Variants in NR3C1 observed in about 807,000 individuals in gnomAD.
NR3C1 encodes the protein glucocorticoid receptor.
Under a neutral mutation model 74.0 loss-of-function variants are expected in NR3C1, and 14 were observed. The observed-to-expected ratio is 0.19, with a 90% CI of 0.12 to 0.30. The LOEUF (loss-of-function observed/expected upper bound fraction) is 0.30. Ranked by LOEUF, NR3C1 falls within the 10% of genes least tolerant of loss-of-function variation. The pLI is 1.00. For missense variants in NR3C1, 695 were observed against 909.8 expected (o/e 0.76, Z 3.04); for synonymous variants, 308 against 332.5 (o/e 0.93, Z 0.80).
chr5:143,424,122 T>C (rs1191428121), intron 1 of NR3C1, among the ~76,000 whole-genome samples: 1 of 151,194 alleles, frequency 6.6e-6, no homozygotes, highest in Non-Finnish European at 1.5e-5. Flanking sequence ...AGATGACGAG[T>C]TAATGGGTGC....
chr5:143,298,048 C>T (rs927056993), intron 6 of NR3C1, among the ~76,000 whole-genome samples: 6 of 152,098 alleles, frequency 3.9e-5, no homozygotes, highest in African/African-American at 9.7e-5. Context: ...AGGGAGAAAA[C>T]GAGTGAGGAA....
intron 2 of NR3C1, among the ~76,000 whole-genome samples, chr5:143,324,982 C>T (rs1371934603): frequency 6.6e-6 from 1 of 152,230 alleles, no homozygotes; most frequent in Non-Finnish European, 1.5e-5. Context: ...ATATCACTAT[C>T]AGCATGTTGG....
intron 4 of NR3C1, among the ~76,000 whole-genome samples, chr5:143,306,098 G>GT (rs1025757452): frequency 5.9e-5 from 9 of 151,806 alleles, no homozygotes; most frequent in Admixed American, 3.9e-4. Context: ...AAACAAGCAA[G>GT]TTTTTTAAAA....
chr5:143,401,721 G>C (rs1447978932), intron 1 of NR3C1, among the ~76,000 whole-genome samples: 1 of 152,194 alleles, frequency 6.6e-6, no homozygotes, highest in Non-Finnish European at 1.5e-5. Context: ...AATATGAAAT[G>C]CTATTACATC....
rs79864108 is a variant in NR3C1 at position 143,415,434 on chromosome 5, A to G, written c.-13-14582T>C. On this transcript the variant is annotated intron_variant, in intron 1 of 8. Coordinates refer to the NR3C1 transcript ENST00000343796. ...AGAGGAATGAGTTCTGATGTTCTGC[A>G]GTACCATAAGGTAAATGTGATTAAC... 1.9e-3 allele frequency among the ~76,000 whole-genome samples: 293 copies of G among 152,332 alleles called. 3 individuals carry two copies. The highest frequency in any genetic ancestry group is 6.9e-3 in the African/African-American group (285 of 41,580).
At chr5:143,349,040 A>G (rs971505318) in intron 2 of NR3C1, among the ~76,000 whole-genome samples, 2 of 152,100 alleles carry the variant, frequency 1.3e-5, no homozygotes, top group African/African-American at 2.4e-5. Flanking sequence ...AGGGAGGATC[A>G]GAGAGAGAAG....
At chr5:143,354,334 G>A (rs182016982) in intron 2 of NR3C1, among the ~76,000 whole-genome samples, 1 of 152,324 alleles carries the variant, frequency 6.6e-6, no homozygotes, top group African/African-American at 2.4e-5. Context: ...TAGCTGTTTA[G>A]TACAAGAGTC....
chr5:143,286,674 G>A (rs959129114), intron 7 of NR3C1, among the ~76,000 whole-genome samples: 1 of 152,076 alleles, frequency 6.6e-6, no homozygotes, highest in Non-Finnish European at 1.5e-5. Flanking sequence ...CTCTGGCAAG[G>A]ATGTAGACAA....
chr5:143,385,023 C>T (rs1284953972), intron 2 of NR3C1, among the ~76,000 whole-genome samples: 1 of 152,206 alleles, frequency 6.6e-6, no homozygotes, highest in Non-Finnish European at 1.5e-5. Context: ...GCTTTCAAGC[C>T]TCAACTCTTG....
chr5:143,299,005 GTTTTT>G (rs35039262), intron 5 of NR3C1, among the ~76,000 whole-genome samples, 193 bp from the exon 6 acceptor site: 13 of 106,728 alleles, frequency 1.2e-4, no homozygotes, highest in Non-Finnish European at 2.2e-4. Context: ...ACCCTCTTGT[GTTTTT>G]TTTTTTTTTT....
At chr5:143,417,728 C>T (rs1750982431) in intron 1 of NR3C1, among the ~76,000 whole-genome samples, 1 of 151,214 alleles carries the variant, frequency 6.6e-6, no homozygotes, top group Non-Finnish European at 1.5e-5. Flanking sequence ...CAAACGAAGC[C>T]CCTTTTCTCC....
At chr5:143,374,490 C>CA (rs33963148) in intron 2 of NR3C1, among the ~76,000 whole-genome samples, 32,763 of 112,700 alleles carry the variant, frequency 0.29, 4,307 homozygotes, top group Middle Eastern at 0.39. Context: ...GACTCTGTCT[C>CA]AAAAAAAAAA....
chr5:143,420,778 C>T (rs1600677884), intron 1 of NR3C1, among the ~76,000 whole-genome samples: 1 of 152,146 alleles, frequency 6.6e-6, no homozygotes, highest in East Asian at 1.9e-4. Flanking sequence ...AGATGTAACC[C>T]AGTCACTGCT....
intron 3 of NR3C1, among the ~76,000 whole-genome samples, chr5:143,313,764 T>C (rs1246899234): frequency 6.6e-6 from 1 of 152,176 alleles, no homozygotes; most frequent in African/African-American, 2.4e-5. Context: ...TGTTACCTTA[T>C]GCTCCCTGAC....
chr5:143,310,693 G>A (rs923801377), intron 3 of NR3C1, among the ~76,000 whole-genome samples: 3 of 151,898 alleles, frequency 2.0e-5, no homozygotes, highest in Non-Finnish European at 2.9e-5. Context: ...TCGCTCTGTC[G>A]CCCAGGCTGG....
Position 143,416,116 on chromosome 5 carries a change from C to A in NR3C1, c.-13-15264G>T, listed in dbSNP as rs75315882. Among the ~76,000 whole-genome samples the A allele has an allele frequency of 2.8e-3, 424 of 152,304 alleles. 10 individuals are homozygous for A. Among genetic ancestry groups the A allele is most frequent in the East Asian group, 0.023 (120 of 5,188 alleles). On this transcript the variant is annotated intron_variant, in intron 1 of 8. Coordinates refer to the NR3C1 transcript ENST00000343796. Reference sequence around the variant, plus strand: ...CCTCCATCCTACCAGGGACCCTGATCTGCCCTGTTGTGGCCACATGGTAGA... The same window carrying A: ...CCTCCATCCTACCAGGGACCCTGATATGCCCTGTTGTGGCCACATGGTAGA...
At chr5:143,406,408 CAA>C (rs76118247), upstream of NR3C1, among the ~76,000 whole-genome samples, 31 of 108,102 alleles carry the variant, frequency 2.9e-4, no homozygotes, top group Admixed American at 4.7e-4. Context: ...TTTAATTGAG[CAA>C]AAAAAAAAAA....
Position 143,300,834 on chromosome 5 carries a change from G to A in NR3C1, c.1469-71C>T, listed in dbSNP as rs558614236. 7.3e-7 allele frequency: 1 copy of A among 1,365,130 alleles called. No individual in the cohort carries two copies. The highest frequency in any genetic ancestry group is 1.5e-5 in the African/African-American group (1 of 68,368). 84.6% of individuals were successfully genotyped at this position (1,365,130 alleles called of 1,614,324 possible). A position where few individuals can be genotyped will look rare whatever the true frequency, so the allele number is the denominator to read the frequency against. ...GGTCTGCGCTACACAGTTTATTCAA[G>A]AAGTATTTTTACTTTCTAAAACTAT... On this transcript the variant is annotated intron_variant, in intron 4 of 8. Coordinates refer to ENST00000394464, the MANE Select transcript of NR3C1 (RefSeq NM_000176.3). The surrounding 1 kb of genome is among the most constrained non-coding windows in gnomAD (Gnocchi z 5.2).
rs1245944122 is a variant in NR3C1 at position 143,374,868 on chromosome 5, A to G, written c.1184+24788T>C. On this transcript the variant is annotated intron_variant, in intron 2 of 8. Transcript: ENST00000394464. ...AGAAGTAATTTGTATGCACACATAC[A>G]TGCACTCACATGTATTTTACTTGGG... Among the ~76,000 whole-genome samples, 4 of 152,192 alleles carry G rather than the reference A, an allele frequency of 2.6e-5. No homozygotes were observed. The East Asian group carries it at 7.7e-4, about 29-fold the overall frequency.
Sources: allele counts gnomAD v4.1 joint callset (sites outside exome capture counted in the v4.1 genomes callset), GRCh38; gene constraint gnomAD v4.1.1; non-coding constraint Gnocchi (gnomAD v3.1); transcripts MANE v1.5; gene names NCBI Gene and HGNC (gene_info 2026-07-23, HGNC 2026-07-21).